GRM7: variants seen among roughly 807,000 people sequenced by gnomAD.
GRM7 encodes metabotropic glutamate receptor 7.
A neutral mutation model predicts 84.5 loss-of-function variants in GRM7; 35 were observed. The observed-to-expected ratio is 0.41, with a 90% confidence interval of 0.32 to 0.55. GRM7 has a LOEUF of 0.55. GRM7 is among the 20% of genes least tolerant of loss of function. The probability of loss-of-function intolerance (pLI) is 0.19; values close to 1 mark genes in which losing one functional copy is unlikely to be tolerated. For missense variants in GRM7, 1,003 were observed against 1,194.6 expected (o/e 0.84, Z 2.36); for synonymous variants, 487 against 455.1 (o/e 1.07, Z -0.89).
intron 2 of GRM7, among the ~76,000 whole-genome samples, chr3:7,194,191 A>G (rs971738762): frequency 2.6e-5 from 4 of 152,100 alleles, no homozygotes; most frequent in African/African-American, 9.7e-5. Flanking sequence ...TTACTCACAT[A>G]AACACTCACC....
At chr3:6,984,548 C>T (rs182016269) in intron 1 of GRM7, among the ~76,000 whole-genome samples, 33 of 152,076 alleles carry the variant, frequency 2.2e-4, no homozygotes, top group African/African-American at 8.0e-4. Flanking sequence ...ACATTTGCTA[C>T]CAGAAATTAA....
chr3:6,868,329 G>A (rs1360709022), intron 1 of GRM7, among the ~76,000 whole-genome samples: 1 of 152,134 alleles, frequency 6.6e-6, no homozygotes, highest in Non-Finnish European at 1.5e-5. Flanking sequence ...TTCCTATCCT[G>A]AATTTATAGT....
At chr3:7,211,671 A>G (rs562500116) in intron 2 of GRM7, among the ~76,000 whole-genome samples, 1 of 150,608 alleles carries the variant, frequency 6.6e-6, no homozygotes, top group Non-Finnish European at 1.5e-5. Flanking sequence ...AAAAAAAATC[A>G]CACTGAAGGG....
Position 7,010,717 on chromosome 3 carries a change from G to A in GRM7, c.520-135735G>A, listed in dbSNP as rs576994889. Among the ~76,000 whole-genome samples, 290 of 152,238 alleles carry A rather than the reference G, an allele frequency of 1.9e-3. 1 individual carries two copies. The highest frequency in any genetic ancestry group is 6.4e-3 in the African/African-American group (264 of 41,564). ...TAGTTGAGAAGAGTGTTCAGAGGAG[G>A]CCGATGAGGATTTTGTCCAGGAGAG... On this transcript the variant is annotated intron_variant, in intron 1 of 9. Transcript: ENST00000357716.
intron 2 of GRM7, among the ~76,000 whole-genome samples, chr3:7,169,200 T>C (rs1361360704): frequency 6.6e-6 from 1 of 152,170 alleles, no homozygotes; most frequent in Non-Finnish European, 1.5e-5. Flanking sequence ...GGGGTGCATT[T>C]TTTTTTGAAT....
intron 8 of GRM7, among the ~76,000 whole-genome samples, chr3:7,671,958 G>A (rs971341105): frequency 1.3e-5 from 2 of 152,070 alleles, no homozygotes; most frequent in African/African-American, 2.4e-5. Context: ...CTGAGGTAAA[G>A]AAACTTGCCC....
chr3:7,411,542 A>T (rs1695936264), intron 4 of GRM7, among the ~76,000 whole-genome samples: 1 of 152,134 alleles, frequency 6.6e-6, no homozygotes, highest in Admixed American at 6.6e-5. Context: ...TTGTAGTTGA[A>T]CCACATATGA....
intron 4 of GRM7, among the ~76,000 whole-genome samples, chr3:7,318,401 A>G (rs987085114): frequency 1.3e-5 from 2 of 152,084 alleles, no homozygotes; most frequent in African/African-American, 4.8e-5. Context: ...GTAAGAAAGT[A>G]TTATTAGTTT....
Position 7,432,906 on chromosome 3 carries a change from C to T in GRM7, c.1174+17743C>T, listed in dbSNP as rs530576640. On this transcript the variant is annotated intron_variant, in intron 5 of 9. Coordinates refer to ENST00000357716, the MANE Select transcript of GRM7 (RefSeq NM_000844.4). ...AGGGAGTTAATGCAACACTAATCAG[C>T]CCTGGATCCCAGAAGTGAATAATGA... is the stretch of plus-strand genomic sequence containing the variant. Among the ~76,000 whole-genome samples the T allele has an allele frequency of 3.3e-5, 5 of 152,146 alleles. No individual in the cohort carries two copies. The East Asian group carries it at 5.8e-4, about 18-fold the overall frequency.
rs745400749 is a variant in GRM7 at position 7,115,588 on chromosome 3, C to G, written c.520-30864C>G. On this transcript the variant is annotated intron_variant, in intron 1 of 9. Coordinates refer to ENST00000357716, the MANE Select transcript of GRM7 (RefSeq NM_000844.4). Reference sequence around the variant, plus strand: ...ATAACTCCATCTCTGCTTTCTAAATCAAGGGAAGGGCTAATCTATTATAAA... The same window carrying G: ...ATAACTCCATCTCTGCTTTCTAAATGAAGGGAAGGGCTAATCTATTATAAA... Among the ~76,000 whole-genome samples, 45 of 152,128 alleles carry G rather than the reference C, an allele frequency of 3.0e-4. 1 individual carries two copies. Among genetic ancestry groups the G allele is most frequent in the Non-Finnish European group, 6.2e-4 (42 of 68,018 alleles).
chr3:7,267,662 C>G (rs1038186684), intron 2 of GRM7, among the ~76,000 whole-genome samples: 4 of 152,096 alleles, frequency 2.6e-5, no homozygotes, highest in Admixed American at 1.3e-4. Context: ...GATAAAGTCT[C>G]GAATCCATCT....
chr3:6,974,348 A>G lies in GRM7; in HGVS notation c.519+112441A>G, dbSNP rs189204327. On this transcript the variant is annotated intron_variant, in intron 1 of 9. Coordinates refer to ENST00000357716, the MANE Select transcript of GRM7 (RefSeq NM_000844.4). The stretch of plus-strand genomic sequence containing the variant: ...GATGTTGAATAGACAGTTGAGTGAA[A>G]GGGTTCTGGGGGTCCAATTGAGGAC... Among the ~76,000 whole-genome samples, 135 of 152,282 alleles carry G rather than the reference A, an allele frequency of 8.9e-4. 3 individuals carry two copies. The highest frequency in any genetic ancestry group is 3.7e-4 in the Non-Finnish European group (25 of 68,012).
chr3:7,671,677 ATCTG>A (rs1398362783), intron 8 of GRM7, among the ~76,000 whole-genome samples: 1 of 151,406 alleles, frequency 6.6e-6, no homozygotes, highest in Non-Finnish European at 1.5e-5. Context: ...GTGTATCTCT[ATCTG>A]TCTATCTGGC....
chr3:6,937,520 A>C (rs1172754394), intron 1 of GRM7, among the ~76,000 whole-genome samples: 1 of 152,140 alleles, frequency 6.6e-6, no homozygotes, highest in Non-Finnish European at 1.5e-5. Context: ...TTAAACATTT[A>C]AGGATGTTTC....
chr3:7,468,842 A>ACC (rs1353950094), intron 7 of GRM7, among the ~76,000 whole-genome samples: 1 of 151,900 alleles, frequency 6.6e-6, no homozygotes, highest in African/African-American at 2.4e-5. Flanking sequence ...GGTCCTTGCT[A>ACC]CCCCTTCACG....
At chr3:6,943,131 A>C (rs1413849334) in intron 1 of GRM7, among the ~76,000 whole-genome samples, 3 of 151,926 alleles carry the variant, frequency 2.0e-5, no homozygotes, top group Admixed American at 1.3e-4. Flanking sequence ...AGACACATAC[A>C]TTGAAGTTGT....
At chr3:7,606,451 A>C (rs1447490732) in intron 8 of GRM7, among the ~76,000 whole-genome samples, 2 of 152,202 alleles carry the variant, frequency 1.3e-5, no homozygotes, top group Non-Finnish European at 2.9e-5. Context: ...AGATATGACA[A>C]TAAAACACAC....
intron 1 of GRM7, among the ~76,000 whole-genome samples, chr3:6,874,298 G>T (rs748087475): frequency 6.6e-6 from 1 of 152,040 alleles, no homozygotes; most frequent in Non-Finnish European, 1.5e-5. Flanking sequence ...TTCTTAAATT[G>T]CACATGATCT....
intron 4 of GRM7, among the ~76,000 whole-genome samples, chr3:7,339,635 G>A (rs1297905208): frequency 6.6e-6 from 1 of 152,134 alleles, no homozygotes; most frequent in East Asian, 1.9e-4. Context: ...CATTCCTGGT[G>A]CACAGGTTCC....
Sources: allele counts gnomAD v4.1 joint callset (sites outside exome capture counted in the v4.1 genomes callset), GRCh38; gene constraint gnomAD v4.1.1; transcripts MANE v1.5; gene names NCBI Gene and HGNC (gene_info 2026-07-23, HGNC 2026-07-21).